Variants in FHIT observed in about 807,000 individuals in gnomAD.
FHIT encodes bis(5'-adenosyl)-triphosphatase.
FHIT carries 19 observed loss-of-function variants against 17.9 expected under a neutral mutation model. The ratio of observed to expected loss-of-function variants is 1.06; its 90% CI spans 0.74 to 1.56. FHIT has a LOEUF of 1.56. FHIT is among the 40% of genes most tolerant of loss of function. FHIT has a pLI of 0.00. For missense variants in FHIT, 248 were observed against 189.2 expected, an observed-to-expected ratio of 1.31 and a Z score of -1.82; for synonymous variants, 81 against 69.7, an observed-to-expected ratio of 1.16 and a Z score of -0.81.
At chr3:60,633,351 A>G (rs1217506215) in intron 4 of FHIT, among the ~76,000 whole-genome samples, 19 of 152,194 alleles carry the variant, frequency 1.2e-4, no homozygotes, top group Non-Finnish European at 2.6e-4. Flanking sequence ...CAACTACTGC[A>G]AAAGCTAAAT....
intron 8 of FHIT, among the ~76,000 whole-genome samples, chr3:59,822,892 G>GT (rs1445483079): frequency 4.6e-5 from 7 of 152,204 alleles, no homozygotes; most frequent in South Asian, 4.1e-4. Flanking sequence ...GTCTAGAAGG[G>GT]TTTTTTCTGA....
chr3:59,838,067 T>G (rs1575571419), intron 8 of FHIT, among the ~76,000 whole-genome samples: 1 of 152,090 alleles, frequency 6.6e-6, no homozygotes, highest in Non-Finnish European at 1.5e-5. Context: ...GTCTCCATTT[T>G]CCTCACTGCT....
chr3:59,842,108 T>C (rs888763507), intron 8 of FHIT, among the ~76,000 whole-genome samples: 2 of 152,258 alleles, frequency 1.3e-5, no homozygotes, highest in African/African-American at 2.4e-5. Context: ...CTACTTTCTG[T>C]CCATGAGGGT....
chr3:60,731,927 C>T (rs2042038590), intron 4 of FHIT, among the ~76,000 whole-genome samples: 1 of 152,170 alleles, frequency 6.6e-6, no homozygotes, highest in African/African-American at 2.4e-5. Context: ...GTAACAATTA[C>T]ACTTGATTGC....
rs554869227 is a variant in FHIT, at chr3:60,746,465, G to A, written c.-18+75454C>T. 6.2e-4 allele frequency among the ~76,000 whole-genome samples: 95 copies of A among 152,270 alleles called. 4 individuals carry two copies. In the South Asian group the frequency reaches 0.018, roughly 28 times the overall value. The stretch of plus-strand genomic sequence containing the variant: ...AGCGACAGCAGCGGCCTATGGTTCC[G>A]CCACACAATGCTTCATTCATTCCTT... On this transcript the variant is annotated intron_variant, in intron 4 of 9. Transcript: ENST00000492590.
chr3:61,052,130 A>G (rs2034049710), intron 2 of FHIT, among the ~76,000 whole-genome samples: 1 of 152,198 alleles, frequency 6.6e-6, no homozygotes, highest in Non-Finnish European at 1.5e-5. Flanking sequence ...AGGCATATAC[A>G]AATTCTACTT....
intron 5 of FHIT, among the ~76,000 whole-genome samples, chr3:60,443,128 C>A (rs2031041720): frequency 6.6e-6 from 1 of 152,124 alleles, no homozygotes; most frequent in African/African-American, 2.4e-5. Context: ...GATTTTGTAT[C>A]CTGAGACTTT....
chr3:60,978,174 AG>A, intron 3 of FHIT, among the ~76,000 whole-genome samples: 1 of 152,336 alleles, frequency 6.6e-6, no homozygotes, highest in South Asian at 2.1e-4. Flanking sequence ...AGGTCCTTAA[AG>A]AACCCAAGAT....
chr3:59,840,179 G>A (rs151213077), intron 8 of FHIT, among the ~76,000 whole-genome samples: 2 of 152,138 alleles, frequency 1.3e-5, no homozygotes, highest in Non-Finnish European at 2.9e-5. Context: ...TTGAACAGAA[G>A]TACTCCCCCA....
intron 5 of FHIT, among the ~76,000 whole-genome samples, chr3:60,179,761 C>T (rs574004006): frequency 6.6e-6 from 1 of 152,210 alleles, no homozygotes; most frequent in South Asian, 2.1e-4. Flanking sequence ...CAGCTAGAAC[C>T]CTGGTCTAGA....
At chr3:61,145,667 T>A (rs1226569474) in intron 2 of FHIT, among the ~76,000 whole-genome samples, 3 of 152,086 alleles carry the variant, frequency 2.0e-5, no homozygotes, top group Non-Finnish European at 4.4e-5. Context: ...ACATGGCATA[T>A]CTTTCCATTT....
In FHIT at chr3:60,444,287, G is replaced by A. The variant is rs1044606598; in HGVS notation, c.103+92573C>T. Among the ~76,000 whole-genome samples the A allele has an allele frequency of 1.6e-4, 25 of 152,222 alleles. 1 individual carries two copies. The highest frequency in any genetic ancestry group is 4.2e-4 in the South Asian group (2 of 4,816). On this transcript the variant is annotated intron_variant, in intron 5 of 9. Coordinates refer to ENST00000492590, the MANE Select transcript of FHIT (RefSeq NM_002012.4). ...CAACCACTGTGGAAGTCAGTGTGGC[G>A]GTTCCTCAGGGATCTAGAACTAGAA...
chr3:60,281,346 T>C (rs1707442415), intron 5 of FHIT, among the ~76,000 whole-genome samples: 1 of 152,088 alleles, frequency 6.6e-6, no homozygotes. Context: ...GATTGTAAAG[T>C]TCATAGAGAA....
intron 1 of FHIT, among the ~76,000 whole-genome samples, chr3:61,214,042 C>T (rs148356310): frequency 2.6e-5 from 4 of 152,052 alleles, no homozygotes; most frequent in Non-Finnish European, 5.9e-5. Flanking sequence ...TAAATGCCCA[C>T]AAAAGAAAGC....
At chr3:59,801,074 C>A (rs372718599) in intron 8 of FHIT, among the ~76,000 whole-genome samples, 1 of 152,166 alleles carries the variant, frequency 6.6e-6, no homozygotes, top group Non-Finnish European at 1.5e-5. Flanking sequence ...AAACATGATA[C>A]AGAAATTGTA....
At chr3:60,035,964 G>A (rs970408055) in intron 5 of FHIT, among the ~76,000 whole-genome samples, 8 of 152,184 alleles carry the variant, frequency 5.3e-5, no homozygotes, top group African/African-American at 1.9e-4. Context: ...CAGCAGATCA[G>A]CTCTGCCCAT....
At chr3:59,827,857 G>C (rs937459153) in intron 8 of FHIT, among the ~76,000 whole-genome samples, 1 of 152,138 alleles carries the variant, frequency 6.6e-6, no homozygotes, top group African/African-American at 2.4e-5. Flanking sequence ...ATGCATGTTG[G>C]ATTGCTCTCT....
chr3:61,224,075 G>C (rs1451421452), intron 1 of FHIT, among the ~76,000 whole-genome samples: 1 of 152,150 alleles, frequency 6.6e-6, no homozygotes, highest in Non-Finnish European at 1.5e-5. Flanking sequence ...CAAGGATAGA[G>C]ATAAAGATGA....
At chr3:60,594,259 T>C (rs1485248761) in intron 4 of FHIT, among the ~76,000 whole-genome samples, 1 of 152,084 alleles carries the variant, frequency 6.6e-6, no homozygotes, top group Non-Finnish European at 1.5e-5. Flanking sequence ...AGTCAAAGCA[T>C]GTCCTAAGAA....
Sources: gnomAD v4.1 joint callset for allele counts (sites outside exome capture counted in the v4.1 genomes callset) on GRCh38, gnomAD v4.1.1 for gene constraint, MANE v1.5 for transcripts, NCBI Gene and HGNC (gene_info 2026-07-23, HGNC 2026-07-21) for gene names.